The following RIT1 variants were observed in gnomAD, a reference collection of about 807,000 sequenced individuals.
The protein encoded by RIT1 is Ras like without CAAX 1, also known as GTP-binding protein Rit1.
RIT1 carries 6 observed loss-of-function variants against 25.6 expected under a neutral mutation model. That is an observed-to-expected ratio of 0.23 (90% CI 0.13 to 0.46). The LOEUF (loss-of-function observed/expected upper bound fraction) is 0.46, where lower values mean the gene tolerates loss of function less well. RIT1 is among the 20% of genes least tolerant of loss of function. RIT1 has a pLI of 0.99. For missense variants in RIT1, 219 were observed against 284.4 expected (o/e 0.77, Z 1.65); for synonymous variants, 81 against 94.1 (o/e 0.86, Z 0.80).
At chr1:155,900,662 T>G (rs1673295555) in intron 5 of RIT1, 44 bp from the exon 6 acceptor site, 1 of 1,538,506 alleles carries the variant, frequency 6.5e-7, no homozygotes, top group African/African-American at 1.4e-5. Flanking sequence ...GAAAAACAAT[T>G]AAATTGTCCA....
intron 5 of RIT1, among the ~76,000 whole-genome samples, 192 bp downstream of exon 5, chr1:155,904,119 G>T (rs1020221713): frequency 2.0e-5 from 3 of 152,136 alleles, no homozygotes; most frequent in Non-Finnish European, 4.4e-5. Flanking sequence ...GCTCAGGCTG[G>T]TCTCAAACTC....
At chr1:155,900,978 G>A (rs1228013551) in intron 5 of RIT1, among the ~76,000 whole-genome samples, 1 of 152,058 alleles carries the variant, frequency 6.6e-6, no homozygotes, top group Non-Finnish European at 1.5e-5. Flanking sequence ...ACCACACCTG[G>A]CTAATTTTGT....
At chr1:155,911,051 T>C (rs1673587894) in intron 1 of RIT1, 192 bp downstream of exon 1, 1 of 874,130 alleles carries the variant, frequency 1.1e-6, no homozygotes, top group Non-Finnish European at 1.8e-6. Flanking sequence ...AATAAAAAGA[T>C]ACAAATAAAT....
intron 5 of RIT1, among the ~76,000 whole-genome samples, chr1:155,903,690 G>C (rs947277049): frequency 6.6e-6 from 1 of 152,042 alleles, no homozygotes; most frequent in Non-Finnish European, 1.5e-5. Flanking sequence ...GATTAACAGA[G>C]AAGCATTATG....
At chr1:155,903,452 C>CAAAAAAAAAAAAAAA (rs1192641376) in intron 5 of RIT1, among the ~76,000 whole-genome samples, 16 of 53,672 alleles carry the variant, frequency 3.0e-4, no homozygotes, top group South Asian at 8.1e-4. Flanking sequence ...GACTCTGTCT[C>CAAAAAAAAAAAAAAA]AAAAAAAAAA....
intron 5 of RIT1, among the ~76,000 whole-genome samples, chr1:155,902,633 G>A (rs892934749): frequency 1.8e-4 from 27 of 151,004 alleles, no homozygotes; most frequent in African/African-American, 6.3e-4. Context: ...CCTGATGTCA[G>A]GACTTCAAGA....
chr1:155,905,606 A>C (rs1673421430), intron 3 of RIT1, among the ~76,000 whole-genome samples: 1 of 152,184 alleles, frequency 6.6e-6, no homozygotes, highest in Non-Finnish European at 1.5e-5. Flanking sequence ...ACTTATATAT[A>C]TTAATTCTTC....
chr1:155,900,473 G>A lies in RIT1; in HGVS notation c.575C>T (p.Ala192Val), dbSNP rs376391961. 8.7e-6 allele frequency: 14 copies of A among 1,613,880 alleles called. No individual in the cohort carries two copies. The highest frequency in any genetic ancestry group is 1.3e-5 in the African/African-American group (1 of 74,850). ...TTTGGGCTTAGATTTTTTCTCCATGGCCAGTACTGCCTCCTTTTCTTTCCT... is the reference window on the plus strand; with the variant it reads ...TTTGGGCTTAGATTTTTTCTCCATGACCAGTACTGCCTCCTTTTCTTTCCT... Reference protein sequence around the residue: ...IRRKEKEAVLAMEKKSKPKNS... With the variant: ...IRRKEKEAVLVMEKKSKPKNS... The change falls in exon 6 of 6, where the codon GCC becomes GTC. Residue 192 changes from alanine (A) to valine (V), a missense_variant. This residue lies in a region of RIT1 where 81 missense variants were observed against 83.8 expected (regional missense o/e 0.97). Coordinates refer to ENST00000368323, the MANE Select transcript of RIT1 (RefSeq NM_006912.6).
At chr1:155,902,786 T>C (rs965789894) in intron 5 of RIT1, among the ~76,000 whole-genome samples, 2 of 151,836 alleles carry the variant, frequency 1.3e-5, no homozygotes, top group African/African-American at 2.4e-5. Context: ...GAGGTTGCAG[T>C]GAGCCTAGAT....
At chr1:155,906,476 C>G (rs1368356085) in intron 3 of RIT1, among the ~76,000 whole-genome samples, 1 of 151,140 alleles carries the variant, frequency 6.6e-6, no homozygotes, top group Non-Finnish European at 1.5e-5. Flanking sequence ...ATAGAAAATA[C>G]CAGGCCAGGC....
intron 5 of RIT1, 112 bp downstream of exon 5, chr1:155,904,199 T>A: frequency 1.2e-6 from 1 of 829,342 alleles, no homozygotes; most frequent in Non-Finnish European, 1.9e-6. Context: ...CCAGCCTGAT[T>A]TTCTATTTTA....
chr1:155,898,788 G>A lies in RIT1; in HGVS notation c.*1600C>T, dbSNP rs939757303. On this transcript the variant is annotated 3_prime_UTR_variant, in exon 6 of 6. Transcript: ENST00000368323. ...AGTACCATAAAACATGATTTATTTGGTAACAAAAATGTTTCCAGGAGTTTA... is the reference window on the plus strand; with the variant it reads ...AGTACCATAAAACATGATTTATTTGATAACAAAAATGTTTCCAGGAGTTTA... The A allele has an allele frequency of 1.1e-5, 2 of 189,628 alleles. No individual in the cohort carries two copies. Among genetic ancestry groups the A allele is most frequent in the African/African-American group, 4.7e-5 (2 of 42,756 alleles). The allele number at this position is 189,628 out of a possible 1,614,324, so 11.7% of individuals were successfully genotyped here. A position where few individuals can be genotyped will look rare whatever the true frequency, so the allele number is the denominator to read the frequency against.
rs1429994916 is a variant in RIT1, at chr1:155,900,343, T to C, written c.*45A>G. 1.4e-6 allele frequency: 2 copies of C among 1,435,516 alleles called. No individual in the cohort carries two copies. Among genetic ancestry groups the C allele is most frequent in the African/African-American group, 1.4e-5 (1 of 71,270 alleles). 88.9% of individuals were successfully genotyped at this position (1,435,516 alleles called of 1,614,324 possible). A position where few individuals can be genotyped will look rare whatever the true frequency, so the allele number is the denominator to read the frequency against. ...AGTACTGCAGGTTACTGGACTGCTT[T>C]GATACAGCACTGCAGTTCACAGATA... On this transcript the variant is annotated 3_prime_UTR_variant, in exon 6 of 6. Transcript: ENST00000368323.
rs959738117 is a variant in RIT1 at position 155,910,768 on chromosome 1, C to T, written c.-7G>A. 4 of 1,614,114 alleles carry T rather than the reference C, an allele frequency of 2.5e-6. No homozygotes were observed. The African/African-American group carries it at 5.3e-5, about 22-fold the overall frequency. On this transcript the variant is annotated 5_prime_UTR_variant, in exon 2 of 6. Coordinates refer to ENST00000368323, the MANE Select transcript of RIT1 (RefSeq NM_006912.6). Reference sequence around the variant, plus strand: ...GGCGAGTTCCAGAATCCATTGTCCTCTTGGGGCCTTCCTCGGTTGCCCCGA... The same window carrying T: ...GGCGAGTTCCAGAATCCATTGTCCTTTTGGGGCCTTCCTCGGTTGCCCCGA...
rs1211113426 is a variant in RIT1, at chr1:155,898,511, AAAAAAAAAT to A, written c.*1868_*1876del. On this transcript the variant is annotated 3_prime_UTR_variant, in exon 6 of 6. Transcript: ENST00000368323. ...TCTATTTAAAAAAAAAAAAAAAAAA[AAAAAAAAAT>A]ATATATATATATATATATATATATC... is the stretch of plus-strand genomic sequence containing the variant. 5.3e-4 allele frequency: 60 copies of A among 112,412 alleles called. No individual in the cohort carries two copies. The highest frequency in any genetic ancestry group is 4.5e-3 in the Middle Eastern group (1 of 222). The allele number at this position is 112,412 out of a possible 1,614,324, so 7.0% of individuals were successfully genotyped here.
At position 155,910,529 on chromosome 1, in the gene RIT1, C is replaced by A. The variant is rs770621094; in HGVS notation, c.107-23G>T. 5.0e-6 allele frequency: 8 copies of A among 1,613,388 alleles called. No individual in the cohort carries two copies. In the East Asian group the frequency reaches 1.8e-4, roughly 36 times the overall value. ...TGGCTTCAAAAGAAGAAATAAAAGT[C>A]AAATCCTCACAAAGGTGACCCACAG... On this transcript the variant is annotated intron_variant, in intron 2 of 5. Transcript: ENST00000368323.
At chr1:155,907,124 A>T (rs1673460671) in intron 3 of RIT1, among the ~76,000 whole-genome samples, 3 of 152,160 alleles carry the variant, frequency 2.0e-5, no homozygotes, top group Admixed American at 1.3e-4. Flanking sequence ...AAAGAAAAGA[A>T]AAGAAAATAT....
rs139279681 is a variant in RIT1, at chr1:155,898,492, TAAAAAAAAAAAAAA to T, written c.*1882_*1895del. The T allele has an allele frequency of 1.7e-4, 6 of 34,314 alleles. No individual in the cohort carries two copies. The highest frequency in any genetic ancestry group is 6.1e-4 in the Admixed American group (1 of 1,632). The allele number at this position is 34,314 out of a possible 1,614,324, so 2.1% of individuals were successfully genotyped here. On this transcript the variant is annotated 3_prime_UTR_variant, in exon 6 of 6. Coordinates refer to ENST00000368323, the MANE Select transcript of RIT1 (RefSeq NM_006912.6). Reference sequence around the variant, plus strand: ...AACATAGTGAAACCTCATCTCTATTTAAAAAAAAAAAAAAAAAAAAAAAAAAATATATATATATA... The same window carrying T: ...AACATAGTGAAACCTCATCTCTATTTAAAAAAAAAAAAATATATATATATA...
At chr1:155,910,123 A>G in intron 3 of RIT1, 1 of 231,258 alleles carries the variant, frequency 4.3e-6, no homozygotes, top group Non-Finnish European at 8.6e-6. Flanking sequence ...TCACAGTTAC[A>G]GAGCGAGTCT....
Sources: allele counts gnomAD v4.1 joint callset (sites outside exome capture counted in the v4.1 genomes callset), GRCh38; gene constraint gnomAD v4.1.1; regional missense constraint gnomAD v4.1.1; transcripts MANE v1.5; gene names NCBI Gene and HGNC (gene_info 2026-07-23, HGNC 2026-07-21).